Variants in EMC2 observed in about 807,000 individuals in gnomAD.
The protein encoded by EMC2 is ER membrane protein complex subunit 2, also known as TPR repeat protein 35.
EMC2 carries 37 observed loss-of-function variants against 51.6 expected under a neutral mutation model. That is an observed-to-expected ratio of 0.72 (90% CI 0.55 to 0.94). The LOEUF is 0.94. EMC2 is among the 40% of genes least tolerant of loss of function. The pLI is 0.00. For synonymous variants in EMC2, 131 were observed against 112.4 expected (o/e 1.17, Z -1.04); for missense variants, 359 against 350.9 (o/e 1.02, Z -0.18).
chr8:108,467,111 A>T (rs1262828687), intron 5 of EMC2, among the ~76,000 whole-genome samples: 2 of 152,120 alleles, frequency 1.3e-5, no homozygotes, highest in African/African-American at 4.8e-5. Flanking sequence ...CAATTGTAAA[A>T]TTTGTGATGT....
intron 10 of EMC2, among the ~76,000 whole-genome samples, chr8:108,482,454 T>C (rs1221299807): frequency 2.0e-5 from 3 of 152,250 alleles, no homozygotes; most frequent in Non-Finnish European, 4.4e-5. Flanking sequence ...TTTGTGTTTT[T>C]TGTGTTCTGT....
Position 108,465,893 on chromosome 8 carries a change from A to G in EMC2, c.364-3933A>G, listed in dbSNP as rs1586185568. ...TGGTCATCCAGATTTCTACTTTACA[A>G]CTGAGAAAAAGCTGCAGCTTTCTAC... On this transcript the variant is annotated intron_variant, in intron 5 of 10. Coordinates refer to ENST00000220853, the MANE Select transcript of EMC2 (RefSeq NM_014673.5). 2.0e-5 allele frequency among the ~76,000 whole-genome samples: 3 copies of G among 152,340 alleles called. No homozygotes were observed. The South Asian group carries it at 6.2e-4, about 32-fold the overall frequency.
At chr8:108,453,930 G>A (rs543665847) in intron 4 of EMC2, among the ~76,000 whole-genome samples, 1 of 152,104 alleles carries the variant, frequency 6.6e-6, no homozygotes, top group South Asian at 2.1e-4. Flanking sequence ...GGATTGTTGT[G>A]TTTTTCTTGA....
At chr8:108,466,442 A>ATTTTTTTTTTTTTTTTT (rs869102478) in intron 5 of EMC2, among the ~76,000 whole-genome samples, 3 of 91,036 alleles carry the variant, frequency 3.3e-5, no homozygotes, top group African/African-American at 1.4e-4. Context: ...CTATGATAGA[A>ATTTTTTTTTTTTTTTTT]TTTTTTTTTT....
At chr8:108,475,638 T>C in intron 7 of EMC2, 2 of 386,982 alleles carry the variant, frequency 5.2e-6, no homozygotes, top group Non-Finnish European at 4.6e-6. Flanking sequence ...AAATGTAGTA[T>C]CTATTGATTG....
chr8:108,482,319 T>G (rs571143547), intron 10 of EMC2, among the ~76,000 whole-genome samples: 1 of 152,348 alleles, frequency 6.6e-6, no homozygotes, highest in Admixed American at 6.5e-5. Flanking sequence ...TTTAGTTTTT[T>G]GCTTATGAGC....
intron 5 of EMC2, among the ~76,000 whole-genome samples, chr8:108,459,094 A>G (rs1179071045): frequency 1.3e-5 from 2 of 152,228 alleles, no homozygotes; most frequent in Non-Finnish European, 2.9e-5. Flanking sequence ...CTTTTGCTCC[A>G]GTTTCCAACA....
intron 1 of EMC2, among the ~76,000 whole-genome samples, chr8:108,444,406 A>AT (rs1818828740): frequency 6.6e-6 from 1 of 152,112 alleles, no homozygotes; most frequent in Non-Finnish European, 1.5e-5. Context: ...CTAGAGTGGG[A>AT]TATGTTCTTT....
At chr8:108,455,658 C>T (rs1248986113) in intron 4 of EMC2, among the ~76,000 whole-genome samples, 1 of 151,978 alleles carries the variant, frequency 6.6e-6, no homozygotes, top group African/African-American at 2.4e-5. Context: ...GTACTATATA[C>T]ATGATTTGCT....
intron 4 of EMC2, among the ~76,000 whole-genome samples, chr8:108,454,222 A>T (rs892213565): frequency 6.6e-6 from 1 of 152,104 alleles, no homozygotes; most frequent in Non-Finnish European, 1.5e-5. Context: ...GATGATTAAT[A>T]AAGTTGTTTC....
intron 5 of EMC2, among the ~76,000 whole-genome samples, chr8:108,460,351 A>G (rs1192552507): frequency 1.3e-5 from 2 of 152,142 alleles, no homozygotes; most frequent in African/African-American, 4.8e-5. Flanking sequence ...TGTGACTTTT[A>G]AAACTGGCTA....
chr8:108,469,300 A>G (rs892715876), intron 5 of EMC2, among the ~76,000 whole-genome samples: 1 of 152,180 alleles, frequency 6.6e-6, no homozygotes, highest in Admixed American at 6.5e-5. Flanking sequence ...TACAGCTTCT[A>G]ATTGTTTTGC....
chr8:108,464,161 A>G (rs1819405832), intron 5 of EMC2: 1 of 152,206 alleles, frequency 6.6e-6, no homozygotes. Flanking sequence ...TCCCACAGTT[A>G]ACACTCAGCC....
intron 1 of EMC2, 42 bp downstream of exon 1, chr8:108,443,740 T>C: frequency 1.3e-6 from 2 of 1,549,104 alleles, no homozygotes; most frequent in African/African-American, 1.4e-5. Flanking sequence ...CTAAAAGCGC[T>C]GGGAAGCCGT....
At chr8:108,478,036 T>A (rs1810978895) in intron 9 of EMC2, among the ~76,000 whole-genome samples, 1 of 152,014 alleles carries the variant, frequency 6.6e-6, no homozygotes. Context: ...CTGCATCTGC[T>A]AAAATTCATA....
intron 5 of EMC2, among the ~76,000 whole-genome samples, chr8:108,464,676 T>C (rs1819424063): frequency 6.6e-6 from 1 of 152,212 alleles, no homozygotes; most frequent in Non-Finnish European, 1.5e-5. Flanking sequence ...TCTGTGTGAC[T>C]GTGGAGCAAT....
At chr8:108,448,567 C>G (rs1436288182) in intron 1 of EMC2, among the ~76,000 whole-genome samples, 1 of 152,192 alleles carries the variant, frequency 6.6e-6, no homozygotes, top group Non-Finnish European at 1.5e-5. Context: ...TCTTTGCCTG[C>G]TGCCATCCAC....
chr8:108,457,261 T>C (rs1332933398), intron 5 of EMC2, among the ~76,000 whole-genome samples: 1 of 152,084 alleles, frequency 6.6e-6, no homozygotes, highest in Non-Finnish European at 1.5e-5. Flanking sequence ...TCTGTGGAAA[T>C]TCCCTAGGGT....
intron 5 of EMC2, among the ~76,000 whole-genome samples, chr8:108,456,825 T>C (rs941880550): frequency 1.3e-5 from 2 of 152,212 alleles, no homozygotes; most frequent in Non-Finnish European, 2.9e-5. Context: ...GTCATTTTAA[T>C]GTTTTATGTC....
Sources: allele counts gnomAD v4.1 joint callset (sites outside exome capture counted in the v4.1 genomes callset), GRCh38; gene constraint gnomAD v4.1.1; transcripts MANE v1.5; gene names NCBI Gene and HGNC (gene_info 2026-07-23, HGNC 2026-07-21).